Variants in PAX9 observed in about 807,000 individuals in gnomAD.
The protein encoded by PAX9 is paired box 9.
Under a neutral mutation model 29.1 loss-of-function variants are expected in PAX9, and 6 were observed. The observed-to-expected ratio is 0.21, with a 90% CI of 0.11 to 0.41. The LOEUF is 0.41. Among genes scored for constraint, PAX9 ranks in the 10% least tolerant of loss-of-function variants. PAX9 has a pLI of 1.00. For synonymous variants in PAX9, 217 were observed against 211.7 expected, an observed-to-expected ratio of 1.03 and a Z score of -0.22; for missense variants, 443 against 479.1, an observed-to-expected ratio of 0.92 and a Z score of 0.70.
At position 36,663,285 on chromosome 14, in the gene PAX9, C is replaced by A. The variant is rs772970706; in HGVS notation, c.393C>A (p.Ile131=). The change falls in exon 2 of 4, where the codon ATC becomes ATA. Residue 131 remains isoleucine, a synonymous_variant. Transcript: ENST00000361487. The part of the protein sequence containing the change: ...SSISRILRNK[I]GNLAQQGHYD... ...TCAGCCGCATTCTGCGCAACAAGAT[C>A]GGCAACTTGGCCCAGCAGGGTCATT... The A allele has an allele frequency of 6.8e-6, 11 of 1,614,206 alleles. No homozygotes were observed. The highest frequency in any genetic ancestry group is 9.3e-6 in the Non-Finnish European group (11 of 1,180,042).
Position 36,676,611 on chromosome 14 carries a change from A to G in PAX9, c.*159A>G, listed in dbSNP as rs1881903718. 5.0e-6 allele frequency: 4 copies of G among 805,928 alleles called. No homozygotes were observed. The African/African-American group carries it at 5.1e-5, about 10-fold the overall frequency. The allele number at this position is 805,928 out of a possible 1,614,324, so 49.9% of individuals were successfully genotyped here. A position where few individuals can be genotyped will look rare whatever the true frequency, so the allele number is the denominator to read the frequency against. ...CATCCTTTGTGCTAATGACACTTAC[A>G]TATTTCTTGCCATAACTTTTCTCTT... On this transcript the variant is annotated 3_prime_UTR_variant, in exon 4 of 4. Transcript: ENST00000361487.
At chr14:36,668,535 C>A (rs1031682958) in intron 3 of PAX9, among the ~76,000 whole-genome samples, 1 of 152,038 alleles carries the variant, frequency 6.6e-6, no homozygotes, top group Admixed American at 6.6e-5. Context: ...ATTACAGGCA[C>A]GCGCCGCCAC....
chr14:36,676,298 CTGCT>C lies in PAX9; in HGVS notation c.873_876del (p.Ala292LeufsTer99). The C allele has an allele frequency of 6.2e-7, 1 of 1,614,230 alleles. No individual in the cohort carries two copies. Among genetic ancestry groups the C allele is most frequent in the Non-Finnish European group, 8.5e-7 (1 of 1,180,028 alleles). ...GTGTCGCCTTACATGACCTACAGTG[CTGCT>C]CCTTCTGGTTATGTTGCTGGACATG... On this transcript the variant is annotated frameshift_variant, in exon 4 of 4. Coordinates refer to ENST00000361487, the MANE Select transcript of PAX9 (RefSeq NM_001372076.1). LOFTEE classifies it high-confidence loss of function.
intron 2 of PAX9, among the ~76,000 whole-genome samples, chr14:36,663,855 C>A (rs1044935600): frequency 6.6e-6 from 1 of 152,218 alleles, no homozygotes; most frequent in Non-Finnish European, 1.5e-5. Context: ...TTGGAGAGTG[C>A]GGCCGGGGCT....
intron 3 of PAX9, among the ~76,000 whole-genome samples, chr14:36,669,762 A>C (rs1485608252): frequency 6.6e-6 from 1 of 152,116 alleles, no homozygotes; most frequent in East Asian, 1.9e-4. Flanking sequence ...TTTGTCTTTG[A>C]AAATTCAGTG....
At chr14:36,674,438 C>A (rs1420005408) in intron 3 of PAX9, among the ~76,000 whole-genome samples, 1 of 152,190 alleles carries the variant, frequency 6.6e-6, no homozygotes, top group Non-Finnish European at 1.5e-5. Context: ...GGGTACATGG[C>A]TAAACCTCTT....
chr14:36,668,395 A>T (rs1398227921), intron 3 of PAX9, among the ~76,000 whole-genome samples: 1 of 151,998 alleles, frequency 6.6e-6, no homozygotes, highest in Admixed American at 6.6e-5. Context: ...CTTATTATTT[A>T]TTTATTTATT....
At chr14:36,663,709 T>A (rs1881380896) in intron 2 of PAX9, among the ~76,000 whole-genome samples, 186 bp downstream of exon 2, 1 of 152,206 alleles carries the variant, frequency 6.6e-6, no homozygotes, top group Non-Finnish European at 1.5e-5. Context: ...TGCCCCTGGT[T>A]TCCTTGCCAC....
Position 36,663,235 on chromosome 14 carries a change from T to A in PAX9, c.343T>A (p.Tyr115Asn). The change falls in exon 2 of 4, where the codon TAC becomes AAC. Residue 115 changes from tyrosine (Y) to asparagine (N), a missense_variant. Around this residue, in one of 2 missense-constraint regions of PAX9, gnomAD observed 336 missense variants for 317.2 expected, o/e 1.06. Transcript: ENST00000361487. Reference protein sequence around the residue: ...RLLADGVCDKYNVPSVSSISR... With the variant: ...RLLADGVCDKNNVPSVSSISR... ...GCTGGCGGACGGCGTGTGCGACAAG[T>A]ACAATGTGCCCTCCGTGAGCTCCAT... 1 of 1,614,064 alleles carries A rather than the reference T, an allele frequency of 6.2e-7. No homozygotes were observed.
At chr14:36,675,817 C>T (rs1478440290) in intron 3 of PAX9, among the ~76,000 whole-genome samples, 2 of 152,154 alleles carry the variant, frequency 1.3e-5, no homozygotes, top group African/African-American at 4.8e-5. Flanking sequence ...CCAAACAAAA[C>T]CCAAGTCCCA....
At chr14:36,665,874 G>A (rs1336441344) in intron 2 of PAX9, 1 of 153,644 alleles carries the variant, frequency 6.5e-6, no homozygotes, top group African/African-American at 2.4e-5. Flanking sequence ...AGAAATCTGT[G>A]CATGTATATT....
At chr14:36,662,121 A>T in intron 1 of PAX9, 28 bp downstream of exon 1, 2 of 1,103,364 alleles carry the variant, frequency 1.8e-6, no homozygotes, top group Non-Finnish European at 2.3e-6. Flanking sequence ...ACTCTGTCAG[A>T]GCCGGGAAGG....
In PAX9 at chr14:36,678,058, T is replaced by C. The variant is rs1030552722; in HGVS notation, c.*1606T>C. 6.2e-6 allele frequency: 1 copy of C among 162,488 alleles called. No individual in the cohort carries two copies. Among genetic ancestry groups the C allele is most frequent in the Admixed American group, 6.3e-5 (1 of 15,952 alleles). 10.1% of individuals were successfully genotyped at this position (162,488 alleles called of 1,614,324 possible). The stretch of plus-strand genomic sequence containing the variant: ...ATATTGAGGGTTTTTTGGTACTAAT[T>C]CTGTGCAATAACTAAAAGAGCACCT... On this transcript the variant is annotated 3_prime_UTR_variant, in exon 4 of 4. Coordinates refer to ENST00000361487, the MANE Select transcript of PAX9 (RefSeq NM_001372076.1).
chr14:36,659,303 T>C (rs1449548361), upstream of PAX9, among the ~76,000 whole-genome samples: 2 of 152,184 alleles, frequency 1.3e-5, no homozygotes, highest in Non-Finnish European at 2.9e-5. Context: ...TAGTGTTCTC[T>C]CTTTTCCTTC....
Position 36,661,950 on chromosome 14 carries a change from C to G in PAX9, c.-140C>G. On this transcript the variant is annotated 5_prime_UTR_variant, in exon 1 of 4. Transcript: ENST00000361487. ...CTTCCTTTTACTTCTTCCTTTTGCC[C>G]TCTCGCCTCCTCCTCCTGGGAAGAA... The G allele has an allele frequency of 1.0e-6, 1 of 1,001,310 alleles. No individual in the cohort carries two copies. 62.0% of individuals were successfully genotyped at this position (1,001,310 alleles called of 1,614,324 possible).
intron 3 of PAX9, among the ~76,000 whole-genome samples, chr14:36,675,037 A>G (rs771363509): frequency 1.2e-4 from 18 of 152,242 alleles, no homozygotes; most frequent in Non-Finnish European, 2.6e-4. Context: ...TTGAACGGGA[A>G]AAAGTACCTA....
At chr14:36,658,471 T>C (rs1881123140), upstream of PAX9, 1 of 152,078 alleles carries the variant, frequency 6.6e-6, no homozygotes, top group African/African-American at 2.4e-5. Flanking sequence ...CAACTCGGAA[T>C]AGAACAACCT....
chr14:36,670,230 T>G (rs1279435740), intron 3 of PAX9, among the ~76,000 whole-genome samples: 1 of 152,026 alleles, frequency 6.6e-6, no homozygotes, highest in Non-Finnish European at 1.5e-5. Flanking sequence ...ATTTATAAGC[T>G]TTGGGTATCT....
At chr14:36,659,215 C>G (rs1240328567), upstream of PAX9, among the ~76,000 whole-genome samples, 1 of 152,228 alleles carries the variant, frequency 6.6e-6, no homozygotes, top group Non-Finnish European at 1.5e-5. Context: ...AGCAGTGTAA[C>G]CAGGCGGCAG....
Sources: gnomAD v4.1 joint callset for allele counts (sites outside exome capture counted in the v4.1 genomes callset) on GRCh38, gnomAD v4.1.1 for gene constraint, gnomAD v4.1.1 regional missense constraint, MANE v1.5 for transcripts, NCBI Gene and HGNC (gene_info 2026-07-23, HGNC 2026-07-21) for gene names.